Variants in KPNA5 observed in about 807,000 individuals in gnomAD.
KPNA5 encodes importin subunit alpha-6.
KPNA5 carries 46 observed loss-of-function variants against 71.3 expected under a neutral mutation model. The ratio of observed to expected loss-of-function variants is 0.65; its 90% CI spans 0.51 to 0.83. The LOEUF (loss-of-function observed/expected upper bound fraction) is 0.83. KPNA5 is among the 40% of genes least tolerant of loss of function. The probability of loss-of-function intolerance (pLI) is 0.00; values close to 1 mark genes in which losing one functional copy is unlikely to be tolerated. For synonymous variants in KPNA5, 207 were observed against 201.4 expected, an observed-to-expected ratio of 1.03 and a Z score of -0.24; for missense variants, 547 against 628.3, an observed-to-expected ratio of 0.87 and a Z score of 1.38.
intron 8 of KPNA5, among the ~76,000 whole-genome samples, chr6:116,721,039 G>A (rs1779085463): frequency 6.6e-6 from 1 of 152,058 alleles, no homozygotes; most frequent in African/African-American, 2.4e-5. Context: ...AGAAAATGTG[G>A]TATATATTCT....
chr6:116,726,243 A>G (rs944990332), intron 11 of KPNA5, among the ~76,000 whole-genome samples: 5 of 152,108 alleles, frequency 3.3e-5, no homozygotes, highest in Admixed American at 6.5e-5. Flanking sequence ...CATTTTGATC[A>G]GTCACATGGC....
chr6:116,695,067 C>T (rs960155920), intron 4 of KPNA5, among the ~76,000 whole-genome samples: 12 of 152,078 alleles, frequency 7.9e-5, no homozygotes, highest in African/African-American at 2.4e-4. Context: ...TCTCCTACTT[C>T]AGCTTCCTGA....
intron 7 of KPNA5, among the ~76,000 whole-genome samples, chr6:116,710,894 T>TATATATATATATATATATATATG (rs57807333): frequency 1.3e-5 from 1 of 79,338 alleles, no homozygotes; most frequent in African/African-American, 6.5e-5. Flanking sequence ...TATATATATA[T>TATATATATATATATATATATATG]TTTTTTTTTT....
At chr6:116,709,903 A>G (rs907959034) in intron 7 of KPNA5, among the ~76,000 whole-genome samples, 1 of 151,666 alleles carries the variant, frequency 6.6e-6, no homozygotes, top group African/African-American at 2.4e-5. Flanking sequence ...TGGGACTACA[A>G]GCGTGCACTA....
At chr6:116,697,882 C>T (rs1778084672) in intron 4 of KPNA5, among the ~76,000 whole-genome samples, 1 of 151,930 alleles carries the variant, frequency 6.6e-6, no homozygotes, top group Non-Finnish European at 1.5e-5. Flanking sequence ...CTTATAGTCA[C>T]TTAGGAATAT....
At chr6:116,728,132 G>A (rs1280562006) in intron 12 of KPNA5, among the ~76,000 whole-genome samples, 1 of 151,858 alleles carries the variant, frequency 6.6e-6, no homozygotes, top group African/African-American at 2.4e-5. Flanking sequence ...GCTTTCATCA[G>A]TATTTCCACT....
intron 12 of KPNA5, among the ~76,000 whole-genome samples, chr6:116,727,313 C>G (rs1320236057): frequency 1.3e-5 from 2 of 151,882 alleles, no homozygotes; most frequent in Non-Finnish European, 2.9e-5. Context: ...AGTCAGCCTT[C>G]CATATCCTTG....
rs1332975476 is a variant in KPNA5, at chr6:116,735,400, A to T, written c.*3077A>T. ...TCTACTGGCTGCTTGCGAAACTGTG[A>T]AATCAAATTGTTCTTAACCTTTATT... On this transcript the variant is annotated 3_prime_UTR_variant, in exon 14 of 14. Transcript: ENST00000368564. 6.6e-6 allele frequency: 1 copy of T among 151,732 alleles called. No homozygotes were observed. The allele number at this position is 151,732 out of a possible 1,614,324, so 9.4% of individuals were successfully genotyped here. A position where few individuals can be genotyped will look rare whatever the true frequency, so the allele number is the denominator to read the frequency against.
intron 7 of KPNA5, among the ~76,000 whole-genome samples, chr6:116,710,363 A>G (rs2114443818): frequency 6.6e-6 from 1 of 152,218 alleles, no homozygotes; most frequent in South Asian, 2.1e-4. Flanking sequence ...CTATCCTCAT[A>G]GAATTGATGA....
At chr6:116,730,141 C>T (rs1367158668) in intron 13 of KPNA5, among the ~76,000 whole-genome samples, 3 of 139,472 alleles carry the variant, frequency 2.2e-5, no homozygotes, top group Admixed American at 7.6e-5. Context: ...GGCTGGAGTG[C>T]GGTGGTGTGG....
In KPNA5 at chr6:116,692,126, A is replaced by G. The variant is rs144684485; in HGVS notation, c.210A>G (p.Pro70=). 50 of 1,611,218 alleles carry G rather than the reference A, an allele frequency of 3.1e-5. No individual in the cohort carries two copies. The African/African-American group carries it at 5.2e-4, about 17-fold the overall frequency. ...ESMLESPIQD[P]DISSTVPIPE... ...TGCTTGAAAGTCCTATACAGGATCC[A>G]GATATTAGTTCCACTGTACCCATTC... Residue 70 remains proline, a synonymous_variant, in exon 3 of 14, where the codon CCA becomes CCG. Transcript: ENST00000368564.
At position 116,741,315 on chromosome 6, in the gene KPNA5, G is replaced by GT. The variant is rs1779865528; in HGVS notation, c.*8998dup. The GT allele has an allele frequency of 6.6e-6, 1 of 151,710 alleles. No homozygotes were observed. The highest frequency in any genetic ancestry group is 6.6e-5 in the Admixed American group (1 of 15,206). 9.4% of individuals were successfully genotyped at this position (151,710 alleles called of 1,614,324 possible). A position where few individuals can be genotyped will look rare whatever the true frequency, so the allele number is the denominator to read the frequency against. The stretch of plus-strand genomic sequence containing the variant: ...CTGACGATTTTTTTGTGTTTTATAT[G>GT]TTTTTTACATTATTTTGTGCATAGA... On this transcript the variant is annotated 3_prime_UTR_variant, in exon 14 of 14. Transcript: ENST00000368564.
chr6:116,702,984 TTCA>T (rs1166610284), intron 6 of KPNA5, among the ~76,000 whole-genome samples: 2 of 152,166 alleles, frequency 1.3e-5, no homozygotes, highest in African/African-American at 4.8e-5. Context: ...TCCCATTTTA[TTCA>T]TCATTTCATT....
intron 10 of KPNA5, among the ~76,000 whole-genome samples, chr6:116,725,437 G>C (rs1779255207): frequency 6.6e-6 from 1 of 152,094 alleles, no homozygotes; most frequent in South Asian, 2.1e-4. Flanking sequence ...ACTAGAGGTT[G>C]GATCCTGACC....
At chr6:116,685,281 G>A (rs1037116308) in intron 1 of KPNA5, among the ~76,000 whole-genome samples, 2 of 152,192 alleles carry the variant, frequency 1.3e-5, no homozygotes, top group Non-Finnish European at 2.9e-5. Context: ...TGTTGGTTTT[G>A]TTGTTGTTGT....
chr6:116,722,309 G>T lies in KPNA5; in HGVS notation c.920+20G>T, dbSNP rs139248779. ...TTTGATGTAACTATAAATAATTTAT[G>T]CTTAATAATTGTATGATTGAGATTA... is the stretch of plus-strand genomic sequence containing the variant. On this transcript the variant is annotated intron_variant, in intron 9 of 13. Coordinates refer to ENST00000368564, the MANE Select transcript of KPNA5 (RefSeq NM_001366306.2). 12 of 1,569,462 alleles carry T rather than the reference G, an allele frequency of 7.6e-6. 1 individual carries two copies. The South Asian group carries it at 1.4e-4, about 18-fold the overall frequency.
At chr6:116,683,604 G>T (rs1313818936) in intron 1 of KPNA5, among the ~76,000 whole-genome samples, 5 of 151,478 alleles carry the variant, frequency 3.3e-5, no homozygotes. Context: ...TTTTGAGATG[G>T]AGTCTCACTC....
chr6:116,687,233 A>G lies in KPNA5; in HGVS notation c.5-2087A>G, dbSNP rs1046176837. ...AGCAGCGTTTTGTAATTCTCACTCT[A>G]GAGGTCTTTCACCTCCTTGGCTGGC... is the stretch of plus-strand genomic sequence containing the variant. On this transcript the variant is annotated intron_variant, in intron 1 of 13. Transcript: ENST00000368564. Among the ~76,000 whole-genome samples, 7 of 152,240 alleles carry G rather than the reference A, an allele frequency of 4.6e-5. No individual in the cohort carries two copies. In the East Asian group the frequency reaches 1.2e-3, roughly 25 times the overall value.
chr6:116,717,114 G>A (rs1408240049), intron 8 of KPNA5, among the ~76,000 whole-genome samples: 4 of 152,018 alleles, frequency 2.6e-5, no homozygotes, highest in African/African-American at 7.3e-5. Flanking sequence ...CCTTTTAACC[G>A]AGGTGAAGAA....
Sources: allele counts gnomAD v4.1 joint callset (sites outside exome capture counted in the v4.1 genomes callset), GRCh38; gene constraint gnomAD v4.1.1; transcripts MANE v1.5; gene names NCBI Gene and HGNC (gene_info 2026-07-23, HGNC 2026-07-21).